The following DENND1A variants were observed in gnomAD, a reference collection of about 807,000 sequenced individuals.
DENND1A encodes DENN domain containing 1A, also known as DENN domain-containing protein 1A.
In DENND1A, 51 loss-of-function variants were observed where a neutral mutation model predicts 113.7. The ratio of observed to expected loss-of-function variants is 0.45; its 90% CI spans 0.36 to 0.57. The LOEUF (loss-of-function observed/expected upper bound fraction) is 0.57. Among genes scored for constraint, DENND1A ranks in the 20% least tolerant of loss-of-function variants. The pLI is 0.00. For missense variants in DENND1A, 1,258 were observed against 1,395.9 expected, an observed-to-expected ratio of 0.90 and a Z score of 1.57; for synonymous variants, 565 against 570.8, an observed-to-expected ratio of 0.99 and a Z score of 0.14.
chr9:123,499,325 C>G (rs1244843533), intron 13 of DENND1A, among the ~76,000 whole-genome samples: 2 of 152,228 alleles, frequency 1.3e-5, no homozygotes, highest in Admixed American at 6.5e-5. Flanking sequence ...TGAGCCAGCA[C>G]GCTCGGCCTC....
At chr9:123,711,858 C>T (rs1409006692) in intron 5 of DENND1A, among the ~76,000 whole-genome samples, 1 of 152,092 alleles carries the variant, frequency 6.6e-6, no homozygotes, top group African/African-American at 2.4e-5. Context: ...TGTTCTTAAC[C>T]CTTATCACTA....
chr9:123,732,358 A>G (rs2068239210), intron 5 of DENND1A, among the ~76,000 whole-genome samples: 1 of 152,236 alleles, frequency 6.6e-6, no homozygotes, highest in African/African-American at 2.4e-5. Context: ...CTCAATAATA[A>G]AAGGGAATAA....
intron 5 of DENND1A, among the ~76,000 whole-genome samples, chr9:123,739,933 A>G (rs1287609023): frequency 6.6e-6 from 1 of 152,100 alleles, no homozygotes; most frequent in Non-Finnish European, 1.5e-5. Flanking sequence ...AAAAAAAAAA[A>G]AAAAGGCTTC....
chr9:123,413,106 C>A (rs2131574982), intron 19 of DENND1A, among the ~76,000 whole-genome samples: 1 of 152,328 alleles, frequency 6.6e-6, no homozygotes, highest in African/African-American at 2.4e-5. Context: ...ATTGCTTGAA[C>A]CCGGAAGGCG....
chr9:123,920,996 A>G (rs1386131047), intron 1 of DENND1A, among the ~76,000 whole-genome samples: 1 of 152,156 alleles, frequency 6.6e-6, no homozygotes, highest in African/African-American at 2.4e-5. Flanking sequence ...TGTATATATC[A>G]GCATCTCAAT....
At chr9:123,699,034 C>T (rs1589715761) in intron 5 of DENND1A, among the ~76,000 whole-genome samples, 2 of 151,944 alleles carry the variant, frequency 1.3e-5, no homozygotes, top group Non-Finnish European at 2.9e-5. Flanking sequence ...CTAAGCTTCA[C>T]ACATTAGAGA....
At chr9:123,427,892 C>T (rs2045862410) in intron 19 of DENND1A, among the ~76,000 whole-genome samples, 1 of 152,216 alleles carries the variant, frequency 6.6e-6, no homozygotes, top group Non-Finnish European at 1.5e-5. Flanking sequence ...GTGACAGTCA[C>T]TTTCCTGTTG....
At chr9:123,663,519 A>G in intron 8 of DENND1A, among the ~76,000 whole-genome samples, 1 of 152,150 alleles carries the variant, frequency 6.6e-6, no homozygotes, top group East Asian at 1.9e-4. Context: ...ATTCTTATAA[A>G]TGTCCCATGG....
chr9:123,540,260 G>A (rs1274375908), intron 13 of DENND1A, among the ~76,000 whole-genome samples: 1 of 152,204 alleles, frequency 6.6e-6, no homozygotes, highest in Admixed American at 6.5e-5. Flanking sequence ...AATCCTGTGA[G>A]GCAGATTACA....
At chr9:123,885,033 ACT>A (rs990792530) in intron 1 of DENND1A, among the ~76,000 whole-genome samples, 2 of 128,460 alleles carry the variant, frequency 1.6e-5, no homozygotes, top group Non-Finnish European at 1.6e-5. Context: ...ACACACACTC[ACT>A]CTCTCTCTCA....
At chr9:123,565,889 A>C (rs1209703981) in intron 12 of DENND1A, among the ~76,000 whole-genome samples, 1 of 152,244 alleles carries the variant, frequency 6.6e-6, no homozygotes, top group Non-Finnish European at 1.5e-5. Flanking sequence ...AAGAACAAGA[A>C]ATTTATCAGG....
At chr9:123,492,248 G>A (rs1458616874) in intron 13 of DENND1A, 4 of 152,596 alleles carry the variant, frequency 2.6e-5, no homozygotes, top group African/African-American at 9.6e-5. Context: ...TCAGGACAGA[G>A]GCTTGCTGGG....
At chr9:123,702,736 A>G (rs2065954528) in intron 5 of DENND1A, among the ~76,000 whole-genome samples, 1 of 152,220 alleles carries the variant, frequency 6.6e-6, no homozygotes, top group African/African-American at 2.4e-5. Context: ...TGAAGGAGAG[A>G]GAAAGATTTT....
intron 13 of DENND1A, among the ~76,000 whole-genome samples, chr9:123,494,799 C>CT (rs888060897): frequency 6.7e-4 from 100 of 149,082 alleles, no homozygotes; most frequent in East Asian, 5.9e-3. Context: ...TTTTTTTGTA[C>CT]TTTTTTTTTT....
At chr9:123,502,056 T>C (rs2052533887) in intron 13 of DENND1A, among the ~76,000 whole-genome samples, 1 of 152,194 alleles carries the variant, frequency 6.6e-6, no homozygotes, top group Non-Finnish European at 1.5e-5. Flanking sequence ...TCTATCTCTA[T>C]CTCCTATTAG....
At position 123,554,058 on chromosome 9, in the gene DENND1A, C is replaced by T. The variant is rs2057283586; in HGVS notation, c.993+3512G>A. Reference sequence around the variant, plus strand: ...GGCGTGAGCCAATGAAGAGCAGGTGCTATTTTTATAACCAGAGAAACAACA... The same window carrying T: ...GGCGTGAGCCAATGAAGAGCAGGTGTTATTTTTATAACCAGAGAAACAACA... On this transcript the variant is annotated intron_variant, in intron 13 of 23. Transcript: ENST00000394215. 3.9e-5 allele frequency among the ~76,000 whole-genome samples: 6 copies of T among 152,176 alleles called. No homozygotes were observed. In the South Asian group the frequency reaches 1.2e-3, roughly 32 times the overall value.
rs777054330 is a variant in DENND1A at position 123,520,147 on chromosome 9, CAAAAAAAA to C, written c.993+37415_993+37422del. ...TGGGAAACAGAGCAAGATCCTGTCTCAAAAAAAAAAAAAAAAAAAAAAAAAAAGGCCAC... is the reference window on the plus strand; with the variant it reads ...TGGGAAACAGAGCAAGATCCTGTCTCAAAAAAAAAAAAAAAAAAAGGCCAC... On this transcript the variant is annotated intron_variant, in intron 13 of 23. Coordinates refer to ENST00000394215, the MANE Select transcript of DENND1A (RefSeq NM_001352964.2). Among the ~76,000 whole-genome samples the C allele has an allele frequency of 6.2e-4, 23 of 37,320 alleles. 1 individual carries two copies. Among genetic ancestry groups the C allele is most frequent in the East Asian group, 1.3e-3 (1 of 800 alleles). The allele number at this position is 37,320 out of a possible 152,430, so 24.5% of individuals were successfully genotyped here. A position where few individuals can be genotyped will look rare whatever the true frequency, so the allele number is the denominator to read the frequency against.
intron 9 of DENND1A, among the ~76,000 whole-genome samples, chr9:123,637,968 C>T (rs1408337136): frequency 6.6e-6 from 1 of 151,604 alleles, no homozygotes; most frequent in Non-Finnish European, 1.5e-5. Flanking sequence ...CACACACACA[C>T]ACACACCAAA....
At chr9:123,485,656 G>GCGCGCACACGCACA (rs765633751) in intron 13 of DENND1A, 1 of 141,156 alleles carries the variant, frequency 7.1e-6, no homozygotes, top group Non-Finnish European at 1.5e-5. Flanking sequence ...GCGCGCGCGC[G>GCGCGCACACGCACA]CACACACACA....
Sources: gnomAD v4.1 joint callset for allele counts (sites outside exome capture counted in the v4.1 genomes callset) on GRCh38, gnomAD v4.1.1 for gene constraint, MANE v1.5 for transcripts, NCBI Gene and HGNC (gene_info 2026-07-23, HGNC 2026-07-21) for gene names.